Variants in COL28A1 observed in about 807,000 individuals in gnomAD.
The protein encoded by COL28A1 is collagen alpha-1(XXVIII) chain.
In COL28A1, 161 loss-of-function variants were observed where a neutral mutation model predicts 150.2. The observed-to-expected ratio is 1.07, with a 90% CI of 0.94 to 1.22. COL28A1 has a LOEUF of 1.22. Among genes scored for constraint, COL28A1 ranks in the 50% most tolerant of loss-of-function variants. The probability of loss-of-function intolerance (pLI) is 0.00; values close to 1 mark genes in which losing one functional copy is unlikely to be tolerated. For missense variants in COL28A1, 1,617 were observed against 1,388.3 expected, an observed-to-expected ratio of 1.16 and a Z score of -2.62; for synonymous variants, 552 against 469.7, an observed-to-expected ratio of 1.18 and a Z score of -2.26.
At chr7:7,369,272 A>G (rs1221658704) in intron 33 of COL28A1, among the ~76,000 whole-genome samples, 1 of 152,192 alleles carries the variant, frequency 6.6e-6, no homozygotes, top group African/African-American at 2.4e-5. Flanking sequence ...AATTTACTTT[A>G]AAATGCACAA....
intron 18 of COL28A1, 39 bp from the exon 19 acceptor site, chr7:7,444,528 T>C (rs376111691): frequency 2.1e-5 from 33 of 1,596,802 alleles, no homozygotes; most frequent in East Asian, 2.0e-4. Context: ...CTAAAGTTCA[T>C]ACCTCCATTC....
chr7:7,457,506 C>G (rs1244944725), intron 15 of COL28A1, among the ~76,000 whole-genome samples: 3 of 152,044 alleles, frequency 2.0e-5, no homozygotes, highest in Admixed American at 2.0e-4. Flanking sequence ...AGTTTGAGAT[C>G]CCTAAAATGA....
chr7:7,361,684 G>GT (rs1252259657), intron 33 of COL28A1, among the ~76,000 whole-genome samples: 2 of 152,092 alleles, frequency 1.3e-5, no homozygotes, highest in Non-Finnish European at 2.9e-5. Flanking sequence ...TTTTGATAGA[G>GT]TTTTTTCTTG....
the COL28A1 span, among the ~76,000 whole-genome samples, chr7:7,345,056 C>T: frequency 8.9e-3 from 1,319 of 148,890 alleles, 19 homozygotes; most frequent in African/African-American, 0.031. Context: ...TGTGTGTTGG[C>T]GGGGGTGGGG....
intron 11 of COL28A1, among the ~76,000 whole-genome samples, chr7:7,503,120 A>G (rs954254233): frequency 1.3e-5 from 2 of 152,182 alleles, no homozygotes; most frequent in Non-Finnish European, 2.9e-5. Flanking sequence ...AAAGAAATGC[A>G]TTTATTTCAG....
At chr7:7,380,637 T>G in intron 30 of COL28A1, 23 bp downstream of exon 30, 1 of 1,608,000 alleles carries the variant, frequency 6.2e-7, no homozygotes, top group Non-Finnish European at 8.5e-7. Flanking sequence ...AACCCTCAAT[T>G]ACCCTCTAGA....
At chr7:7,367,069 T>C (rs1193185723) in intron 33 of COL28A1, among the ~76,000 whole-genome samples, 1 of 152,238 alleles carries the variant, frequency 6.6e-6, no homozygotes, top group Non-Finnish European at 1.5e-5. Context: ...ATTATAATAC[T>C]GTATTTTTAC....
chr7:7,480,134 G>A (rs1373542697), intron 13 of COL28A1, among the ~76,000 whole-genome samples: 6 of 152,182 alleles, frequency 3.9e-5, no homozygotes, highest in African/African-American at 1.4e-4. Context: ...CTCAAGCCCA[G>A]TAGCAGAACG....
chr7:7,339,603 C>A, the COL28A1 span, among the ~76,000 whole-genome samples: 1 of 152,064 alleles, frequency 6.6e-6, no homozygotes, highest in African/African-American at 2.4e-5. Context: ...CTTCTCTTTC[C>A]ACTTTACACA....
At chr7:7,514,531 C>G (rs2115164902) in intron 8 of COL28A1, among the ~76,000 whole-genome samples, 1 of 152,314 alleles carries the variant, frequency 6.6e-6, no homozygotes, top group East Asian at 1.9e-4. Flanking sequence ...TATTTATTGG[C>G]TTACATGTAG....
At chr7:7,502,279 T>G (rs2115099840) in intron 11 of COL28A1, among the ~76,000 whole-genome samples, 1 of 152,346 alleles carries the variant, frequency 6.6e-6, no homozygotes, top group East Asian at 1.9e-4. Context: ...GGCTTCTTTC[T>G]GAGAAACATC....
Position 7,375,464 on chromosome 7 carries a change from A to T in COL28A1, c.2356T>A (p.Cys786Ser), listed in dbSNP as rs916622580. The change falls in exon 31 of 35, where the codon TGT becomes AGT. Residue 786 changes from cysteine (C) to serine (S), a missense_variant. Physicochemically the swap from Cys to Ser is moderately radical, Grantham distance 112. Transcript: ENST00000399429. ...TTTTTCCTTGATCAAATCTTACCAC[A>T]TATTTCTGTAATAAGTTTGATAATT... The part of the protein sequence containing the change: ...EEIIKLITEI[C>S]GCGPKCKETP... 12 of 1,575,236 alleles carry T rather than the reference A, an allele frequency of 7.6e-6. No individual in the cohort carries two copies. The highest frequency in any genetic ancestry group is 1.7e-5 in the Admixed American group (1 of 58,752).
chr7:7,407,455 A>G (rs539230580), intron 27 of COL28A1, among the ~76,000 whole-genome samples: 1 of 152,260 alleles, frequency 6.6e-6, no homozygotes, highest in East Asian at 1.9e-4. Flanking sequence ...CACCAAAGAA[A>G]GGATAAATTA....
At chr7:7,492,441 T>C (rs1393866559) in intron 11 of COL28A1, among the ~76,000 whole-genome samples, 2 of 150,022 alleles carry the variant, frequency 1.3e-5, no homozygotes, top group Admixed American at 6.6e-5. Context: ...AAAAATTAGC[T>C]GGGCCTGGTG....
chr7:7,381,150 G>T (rs1381570437), intron 28 of COL28A1, among the ~76,000 whole-genome samples: 2 of 151,964 alleles, frequency 1.3e-5, no homozygotes, highest in Non-Finnish European at 2.9e-5. Flanking sequence ...CAATTTACCG[G>T]GTACCTGAGT....
chr7:7,352,944 A>C (rs546274841), downstream of COL28A1, among the ~76,000 whole-genome samples: 1 of 152,188 alleles, frequency 6.6e-6, no homozygotes, highest in African/African-American at 2.4e-5. Flanking sequence ...AAAGGAAAAA[A>C]ATCTCGGGAC....
At chr7:7,491,057 T>G (rs1478248302) in intron 11 of COL28A1, among the ~76,000 whole-genome samples, 1 of 152,194 alleles carries the variant, frequency 6.6e-6, no homozygotes, top group Non-Finnish European at 1.5e-5. Flanking sequence ...CAGCCATCAC[T>G]CATTCATTCA....
chr7:7,463,883 A>C (rs1787840168), intron 15 of COL28A1, among the ~76,000 whole-genome samples: 1 of 152,180 alleles, frequency 6.6e-6, no homozygotes, highest in African/African-American at 2.4e-5. Context: ...AATGGATAAG[A>C]ATTCACCAAC....
At chr7:7,486,741 T>C (rs980718667) in intron 13 of COL28A1, among the ~76,000 whole-genome samples, 4 of 152,222 alleles carry the variant, frequency 2.6e-5, no homozygotes, top group Non-Finnish European at 5.9e-5. Flanking sequence ...GTGTATTCCA[T>C]TGATTAATTT....
Sources: gnomAD v4.1 joint callset for allele counts (sites outside exome capture counted in the v4.1 genomes callset) on GRCh38, gnomAD v4.1.1 for gene constraint, MANE v1.5 for transcripts, NCBI Gene and HGNC (gene_info 2026-07-23, HGNC 2026-07-21) for gene names.